Variants in MAPKAP1 observed in about 807,000 individuals in gnomAD.
The protein encoded by MAPKAP1 is target of rapamycin complex 2 subunit MAPKAP1.
Under a neutral mutation model 65.7 loss-of-function variants are expected in MAPKAP1, and 20 were observed. That is an observed-to-expected ratio of 0.30 (90% CI 0.21 to 0.44). The LOEUF is 0.44. Among genes scored for constraint, MAPKAP1 ranks in the 20% least tolerant of loss-of-function variants. The probability of loss-of-function intolerance (pLI) is 1.00; values close to 1 mark genes in which losing one functional copy is unlikely to be tolerated. For missense variants in MAPKAP1, 423 were observed against 648.0 expected (o/e 0.65, Z 3.77); for synonymous variants, 222 against 244.3 (o/e 0.91, Z 0.85).
intron 1 of MAPKAP1, among the ~76,000 whole-genome samples, chr9:125,693,077 C>T (rs1025346911): frequency 1.3e-5 from 2 of 152,152 alleles, no homozygotes; most frequent in African/African-American, 4.8e-5. Context: ...TTCTAATCCA[C>T]ACCAGGGGAT....
chr9:125,693,836 T>TACACACACACAC (rs375290028), intron 1 of MAPKAP1, among the ~76,000 whole-genome samples: 2,927 of 119,398 alleles, frequency 0.025, 91 homozygotes, highest in Admixed American at 0.034. Flanking sequence ...CACACATATA[T>TACACACACACAC]ATACACACAT....
chr9:125,533,491 C>T lies in MAPKAP1; in HGVS notation c.958+9568G>A, dbSNP rs531674923. ...TTGAGACAGAGTCTTACTCTGTCAC[C>T]CACGCTAGAGTACAGTGGCACGATC... On this transcript the variant is annotated intron_variant, in intron 7 of 11. Coordinates refer to ENST00000265960, the MANE Select transcript of MAPKAP1 (RefSeq NM_001006617.3). Among the ~76,000 whole-genome samples, 4 of 152,094 alleles carry T rather than the reference C, an allele frequency of 2.6e-5. No individual in the cohort carries two copies. In the South Asian group the frequency reaches 8.3e-4, roughly 32 times the overall value.
intron 1 of MAPKAP1, among the ~76,000 whole-genome samples, chr9:125,681,407 T>C (rs1409983478): frequency 1.3e-5 from 2 of 152,246 alleles, no homozygotes; most frequent in African/African-American, 4.8e-5. Context: ...CCAGCTGTCC[T>C]GCTGAGGCCC....
chr9:125,563,110 C>T (rs1458740884), intron 5 of MAPKAP1, among the ~76,000 whole-genome samples: 1 of 152,204 alleles, frequency 6.6e-6, no homozygotes, highest in Non-Finnish European at 1.5e-5. Context: ...CATGATCACC[C>T]AATTAAACAG....
At chr9:125,444,362 G>A (rs548202262) in intron 11 of MAPKAP1, 139 bp downstream of exon 11, 10 of 646,724 alleles carry the variant, frequency 1.5e-5, no homozygotes, top group South Asian at 6.2e-5. Context: ...GGCAAGCTGC[G>A]ACACTCCTCC....
intron 10 of MAPKAP1, among the ~76,000 whole-genome samples, chr9:125,459,299 CG>C (rs1361544836): frequency 1.3e-5 from 2 of 150,246 alleles, no homozygotes; most frequent in African/African-American, 4.9e-5. Flanking sequence ...GATCGGATGG[CG>C]GCCAGGCAGA....
chr9:125,458,776 C>T (rs1165193778), intron 10 of MAPKAP1, among the ~76,000 whole-genome samples: 1 of 148,408 alleles, frequency 6.7e-6, no homozygotes, highest in Admixed American at 6.8e-5. Flanking sequence ...GGGCTCTTCA[C>T]ATCCCAGAAG....
intron 5 of MAPKAP1, among the ~76,000 whole-genome samples, chr9:125,569,989 A>G (rs1398655768): frequency 2.0e-5 from 3 of 152,224 alleles, no homozygotes; most frequent in African/African-American, 7.2e-5. Context: ...TAAATTATGC[A>G]GGTCAGATAT....
At chr9:125,639,235 C>T (rs112476316) in intron 4 of MAPKAP1, among the ~76,000 whole-genome samples, 3,281 of 152,126 alleles carry the variant, frequency 0.022, 48 homozygotes, top group South Asian at 0.041. Flanking sequence ...AGAGAGACTC[C>T]ATCTCAAAAA....
At chr9:125,482,130 C>G (rs1589226523) in intron 9 of MAPKAP1, among the ~76,000 whole-genome samples, 1 of 41,836 alleles carries the variant, frequency 2.4e-5, no homozygotes, top group Non-Finnish European at 5.2e-5. Context: ...AAAACTCTGT[C>G]TAAAAAAAAA....
intron 4 of MAPKAP1, among the ~76,000 whole-genome samples, chr9:125,622,368 T>G (rs1322252381): frequency 2.6e-5 from 4 of 152,242 alleles, no homozygotes; most frequent in African/African-American, 9.6e-5. Flanking sequence ...ATTTGATCAT[T>G]ATGCATTGCA....
At chr9:125,500,987 T>C (rs1828961451) in intron 8 of MAPKAP1, among the ~76,000 whole-genome samples, 1 of 152,188 alleles carries the variant, frequency 6.6e-6, no homozygotes. Context: ...AGTGTATTGG[T>C]GTAACTTTTC....
At chr9:125,445,469 C>T (rs1018253931) in intron 10 of MAPKAP1, among the ~76,000 whole-genome samples, 22 of 152,244 alleles carry the variant, frequency 1.4e-4, no homozygotes, top group African/African-American at 4.6e-4. Context: ...GCTCAGCTGG[C>T]GCCTTCTTGG....
In MAPKAP1 at chr9:125,450,879, G is replaced by A. The variant is rs1300954979; in HGVS notation, c.1346-6281C>T. Among the ~76,000 whole-genome samples, 7 of 152,184 alleles carry A rather than the reference G, an allele frequency of 4.6e-5. 1 individual carries two copies. Among genetic ancestry groups the A allele is most frequent in the Non-Finnish European group, 8.8e-5 (6 of 68,020 alleles). ...GGGCTGAAAACTCCCTCCTGGTTGGGTCTCCTCTCCACCGTAAGCAACAGT... is the reference window on the plus strand; with the variant it reads ...GGGCTGAAAACTCCCTCCTGGTTGGATCTCCTCTCCACCGTAAGCAACAGT... On this transcript the variant is annotated intron_variant, in intron 10 of 11. Coordinates refer to ENST00000265960, the MANE Select transcript of MAPKAP1 (RefSeq NM_001006617.3).
intron 4 of MAPKAP1, among the ~76,000 whole-genome samples, chr9:125,598,885 CA>C (rs962976311): frequency 6.6e-6 from 1 of 151,752 alleles, no homozygotes; most frequent in African/African-American, 2.4e-5. Flanking sequence ...ACTAAAAATA[CA>C]AAAAATAGCC....
At chr9:125,488,131 G>A (rs1282166970) in intron 8 of MAPKAP1, among the ~76,000 whole-genome samples, 1 of 152,148 alleles carries the variant, frequency 6.6e-6, no homozygotes, top group African/African-American at 2.4e-5. Flanking sequence ...CTCTGATAGC[G>A]TAAATTCATA....
intron 10 of MAPKAP1, among the ~76,000 whole-genome samples, chr9:125,463,305 G>A (rs1853566600): frequency 6.6e-6 from 1 of 152,232 alleles, no homozygotes; most frequent in Admixed American, 6.5e-5. Context: ...TAAAACACAA[G>A]AGGCCTTTGT....
At chr9:125,510,548 A>C (rs1829266579) in intron 7 of MAPKAP1, among the ~76,000 whole-genome samples, 1 of 152,148 alleles carries the variant, frequency 6.6e-6, no homozygotes, top group African/African-American at 2.4e-5. Context: ...CCTTAGGAAT[A>C]CTGCTAATAT....
intron 4 of MAPKAP1, chr9:125,650,476 C>T (rs761766660): frequency 6.6e-5 from 10 of 152,280 alleles, no homozygotes; most frequent in Non-Finnish European, 1.3e-4. Flanking sequence ...TGCCTCAGAC[C>T]TTCTGTTCCT....
Sources: gnomAD v4.1 joint callset for allele counts (sites outside exome capture counted in the v4.1 genomes callset) on GRCh38, gnomAD v4.1.1 for gene constraint, MANE v1.5 for transcripts, NCBI Gene and HGNC (gene_info 2026-07-23, HGNC 2026-07-21) for gene names.